The following SAMD5 variants were observed in gnomAD, a reference collection of about 807,000 sequenced individuals.
SAMD5 encodes the protein sterile alpha motif domain-containing protein 5.
Under a neutral mutation model 11.3 loss-of-function variants are expected in SAMD5, and 13 were observed. That is an observed-to-expected ratio of 1.15 (90% CI 0.75 to 1.83). The LOEUF is 1.83. Among genes scored for constraint, SAMD5 ranks in the 40% most tolerant of loss-of-function variants. SAMD5 has a pLI of 0.00. For synonymous variants in SAMD5, 129 were observed against 111.3 expected, an observed-to-expected ratio of 1.16 and a Z score of -1.00; for missense variants, 255 against 239.1, an observed-to-expected ratio of 1.07 and a Z score of -0.44.
At chr6:147,789,340 C>T in the SAMD5 span, among the ~76,000 whole-genome samples, 69 of 151,734 alleles carry the variant, frequency 4.5e-4, 1 homozygote, top group African/African-American at 1.2e-3. Flanking sequence ...AAAACACTAC[C>T]GCACACACAT....
chr6:147,880,447 AAAACATCTGAT>A, the SAMD5 span, among the ~76,000 whole-genome samples: 14 of 152,144 alleles, frequency 9.2e-5, no homozygotes, highest in Non-Finnish European at 1.6e-4. Flanking sequence ...GTACTGGGTA[AAAACATCTGAT>A]AAACTCCTTC....
At chr6:147,636,288 T>C (rs1168912506) in intron 1 of SAMD5, among the ~76,000 whole-genome samples, 2 of 152,188 alleles carry the variant, frequency 1.3e-5, no homozygotes, top group Non-Finnish European at 2.9e-5. Context: ...GAGGTAATTC[T>C]GTAATAACTA....
At chr6:147,619,424 G>A in intron 1 of SAMD5, among the ~76,000 whole-genome samples, 1 of 152,112 alleles carries the variant, frequency 6.6e-6, no homozygotes, top group East Asian at 1.9e-4. Flanking sequence ...AAGATCCATG[G>A]CAGATATGCA....
chr6:147,673,884 A>C (rs187613216), intron 1 of SAMD5, among the ~76,000 whole-genome samples: 126 of 152,262 alleles, frequency 8.3e-4, no homozygotes, highest in African/African-American at 2.8e-3. Context: ...TCAGTTTGTC[A>C]GAAAAAAAAG....
intron 1 of SAMD5, among the ~76,000 whole-genome samples, chr6:147,714,185 G>A (rs1477517939): frequency 6.6e-6 from 1 of 152,208 alleles, no homozygotes; most frequent in Non-Finnish European, 1.5e-5. Flanking sequence ...AGATATGGAA[G>A]TCAGACAGAG....
At chr6:147,848,181 G>A in the SAMD5 span, among the ~76,000 whole-genome samples, 5 of 152,138 alleles carry the variant, frequency 3.3e-5, no homozygotes, top group African/African-American at 4.8e-5. Flanking sequence ...GCATTTACAC[G>A]ATAAAACCCA....
At chr6:147,726,537 G>C (rs779084581) in intron 1 of SAMD5, among the ~76,000 whole-genome samples, 35 of 152,144 alleles carry the variant, frequency 2.3e-4, no homozygotes, top group Admixed American at 2.1e-3. Flanking sequence ...CCCAGGCCCA[G>C]GTCCAGGCCC....
intron 1 of SAMD5, among the ~76,000 whole-genome samples, chr6:147,688,789 T>C (rs1791057320): frequency 6.6e-6 from 1 of 152,346 alleles, no homozygotes; most frequent in East Asian, 1.9e-4. Context: ...AATGGAAATT[T>C]TGGGGGTCCA....
At chr6:147,555,104 C>G (rs1296700367) in intron 1 of SAMD5, among the ~76,000 whole-genome samples, 1 of 152,150 alleles carries the variant, frequency 6.6e-6, no homozygotes, top group Non-Finnish European at 1.5e-5. Context: ...TTAAAATAGC[C>G]TTGATGAAGC....
chr6:147,923,126 G>GT, the SAMD5 span, among the ~76,000 whole-genome samples: 1 of 152,102 alleles, frequency 6.6e-6, no homozygotes, highest in Admixed American at 6.6e-5. Flanking sequence ...TGTCTCAAAC[G>GT]TTTTTTATGG....
chr6:147,872,678 C>T, the SAMD5 span, among the ~76,000 whole-genome samples: 1 of 152,144 alleles, frequency 6.6e-6, no homozygotes, highest in Non-Finnish European at 1.5e-5. Context: ...ACCTGGTGCT[C>T]ATGGACTTGC....
At chr6:147,817,624 A>G in the SAMD5 span, among the ~76,000 whole-genome samples, 181 of 152,364 alleles carry the variant, frequency 1.2e-3, 1 homozygote, top group African/African-American at 4.2e-3. Context: ...GTTTGTAAAA[A>G]AGATGCAACC....
the SAMD5 span, among the ~76,000 whole-genome samples, chr6:147,911,776 G>T: frequency 1.3e-5 from 2 of 152,176 alleles, no homozygotes; most frequent in African/African-American, 4.8e-5. Flanking sequence ...TGAATCTGTG[G>T]GTCAGCTGAG....
chr6:147,618,867 G>A (rs769623617), intron 1 of SAMD5, among the ~76,000 whole-genome samples: 53 of 152,334 alleles, frequency 3.5e-4, no homozygotes, highest in Admixed American at 7.2e-4. Flanking sequence ...CTATATTCCT[G>A]AATCAATGTT....
Position 147,509,180 on chromosome 6 carries a change from GCCGCCCGCCGACGCCGTCCCCA to G in SAMD5, c.256_277del (p.Pro86AlafsTer31). On this transcript the variant is annotated frameshift_variant, in exon 1 of 2. Transcript: ENST00000367474. LOFTEE classifies it high-confidence loss of function. ...TTGAGCCGCAGCCGGCGCCCCCCGG[GCCGCCCGCCGACGCCGTCCCCA>G]CCGGCCGCCGGGGGGAGCCGTGCGG... 7.7e-7 allele frequency: 1 copy of G among 1,297,028 alleles called. No individual in the cohort carries two copies. Among genetic ancestry groups the G allele is most frequent in the Non-Finnish European group, 9.8e-7 (1 of 1,025,358 alleles). The allele number at this position is 1,297,028 out of a possible 1,614,324, so 80.3% of individuals were successfully genotyped here. A position where few individuals can be genotyped will look rare whatever the true frequency, so the allele number is the denominator to read the frequency against.
At chr6:147,814,891 T>C in the SAMD5 span, among the ~76,000 whole-genome samples, 1 of 152,076 alleles carries the variant, frequency 6.6e-6, no homozygotes, top group Non-Finnish European at 1.5e-5. Flanking sequence ...CCCCAAATTT[T>C]GGGTATTCAA....
At position 147,595,879 on chromosome 6, in the gene SAMD5, A is replaced by G. The variant is rs150856625; in HGVS notation, c.162+86492A>G. 2.2e-4 allele frequency among the ~76,000 whole-genome samples: 33 copies of G among 151,910 alleles called. 1 individual carries two copies. The highest frequency in any genetic ancestry group is 8.0e-4 in the African/African-American group (33 of 41,448). On this transcript the variant is annotated intron_variant, in intron 1 of 1. Coordinates refer to the SAMD5 transcript ENST00000566741. ...AGCCATCCATATTCCTCATGTTTCA[A>G]TTTTCTTACCTGGAAAATAGTGATA...
intron 1 of SAMD5, among the ~76,000 whole-genome samples, chr6:147,642,257 C>T (rs725085): frequency 0.74 from 113,123 of 152,094 alleles, 42,565 homozygotes; most frequent in African/African-American, 0.87. Context: ...AAGTTTTTAT[C>T]TTTTTGTTCT....
the SAMD5 span, among the ~76,000 whole-genome samples, chr6:147,932,055 G>A: frequency 6.6e-6 from 1 of 152,098 alleles, no homozygotes; most frequent in South Asian, 2.1e-4. Context: ...ATATTTTCTT[G>A]TATAATAGCA....
Sources: gnomAD v4.1 joint callset for allele counts (sites outside exome capture counted in the v4.1 genomes callset) on GRCh38, gnomAD v4.1.1 for gene constraint, MANE v1.5 for transcripts, NCBI Gene and HGNC (gene_info 2026-07-23, HGNC 2026-07-21) for gene names.